Variants in HIP1 observed in about 807,000 individuals in gnomAD.
HIP1 encodes the protein huntingtin interacting protein 1.
HIP1 carries 65 observed loss-of-function variants against 147.6 expected under a neutral mutation model. The observed-to-expected ratio is 0.44, with a 90% CI of 0.36 to 0.54. The LOEUF (loss-of-function observed/expected upper bound fraction) is 0.54. HIP1 is among the 20% of genes least tolerant of loss of function. HIP1 has a pLI of 0.00. For missense variants in HIP1, 1,061 were observed against 1,299.6 expected, an observed-to-expected ratio of 0.82 and a Z score of 2.82; for synonymous variants, 479 against 504.0, an observed-to-expected ratio of 0.95 and a Z score of 0.67.
At chr7:75,673,820 C>CAAAAAG (rs1799801129) in intron 1 of HIP1, among the ~76,000 whole-genome samples, 1 of 104,352 alleles carries the variant, frequency 9.6e-6, no homozygotes, top group Non-Finnish European at 1.9e-5. Flanking sequence ...CCTATCTCTA[C>CAAAAAG]AAAAAAAAAA....
intron 1 of HIP1, among the ~76,000 whole-genome samples, chr7:75,651,693 G>A (rs1554512002): frequency 6.6e-6 from 1 of 151,960 alleles, no homozygotes; most frequent in African/African-American, 2.4e-5. Flanking sequence ...TGTGGCCTTG[G>A]GCAAGTCACT....
At chr7:75,705,354 T>A (rs1026654263) in intron 1 of HIP1, among the ~76,000 whole-genome samples, 18 of 151,966 alleles carry the variant, frequency 1.2e-4, no homozygotes, top group Non-Finnish European at 2.4e-4. Flanking sequence ...AACAGCAGGA[T>A]CTCTACCTTT....
intron 1 of HIP1, chr7:75,639,103 G>A (rs1019447045): frequency 2.0e-6 from 2 of 984,634 alleles, no homozygotes; most frequent in Non-Finnish European, 2.4e-6. Context: ...CACCCCTGGA[G>A]ATCCCGCTTC....
intron 4 of HIP1, among the ~76,000 whole-genome samples, chr7:75,587,696 G>T (rs587724391): frequency 6.6e-6 from 1 of 152,144 alleles, no homozygotes; most frequent in Non-Finnish European, 1.5e-5. Flanking sequence ...AGGTGCAGTG[G>T]CTCATGCCTG....
At chr7:75,571,352 G>T (rs1346240768) in intron 8 of HIP1, among the ~76,000 whole-genome samples, 1 of 152,104 alleles carries the variant, frequency 6.6e-6, no homozygotes, top group African/African-American at 2.4e-5. Flanking sequence ...TAAGCAGCTG[G>T]TCCCTTCTCT....
At position 75,702,705 on chromosome 7, in the gene HIP1, A is replaced by ATG. The variant is rs1554519268; in HGVS notation, c.120+36095_120+36096insCA. On this transcript the variant is annotated intron_variant, in intron 1 of 30. Coordinates refer to ENST00000336926, the MANE Select transcript of HIP1 (RefSeq NM_005338.7). ...TGGTGTTCATATGGATCCCATGGTTACAGAGAAGGAGGAAAGACACTGCAC... is the reference window on the plus strand; with the variant it reads ...TGGTGTTCATATGGATCCCATGGTTATGCAGAGAAGGAGGAAAGACACTGCAC... 3.9e-5 allele frequency among the ~76,000 whole-genome samples: 6 copies of ATG among 152,314 alleles called. No individual in the cohort carries two copies. The East Asian group carries it at 1.2e-3, about 29-fold the overall frequency.
chr7:75,611,888 C>T (rs1300729367), intron 1 of HIP1: 5 of 1,015,370 alleles, frequency 4.9e-6, no homozygotes, highest in Non-Finnish European at 5.9e-6. Context: ...GCCTCTCTTC[C>T]TCCCTCCCCA....
At chr7:75,605,239 C>T (rs1797179826) in intron 1 of HIP1, among the ~76,000 whole-genome samples, 1 of 152,102 alleles carries the variant, frequency 6.6e-6, no homozygotes, top group Non-Finnish European at 1.5e-5. Flanking sequence ...TGGAGGGGTT[C>T]GGGCCTGCAG....
intron 2 of HIP1, among the ~76,000 whole-genome samples, chr7:75,596,392 C>A (rs1340829419): frequency 2.0e-5 from 3 of 151,848 alleles, no homozygotes; most frequent in Non-Finnish European, 4.4e-5. Context: ...TCTTTGAAAT[C>A]TTTTTCTTTT....
In HIP1 at chr7:75,602,303, CTTTTTTTTTTTTT is replaced by C. The variant is rs67019261; in HGVS notation, c.121-3069_121-3057del. On this transcript the variant is annotated intron_variant, in intron 1 of 30. Transcript: ENST00000336926. ...GGCGTGAGCCACAGCACCTGGCCAG[CTTTTTTTTTTTTT>C]TTTTTTTTTTTTTTTTCAAAAGAGA... is the stretch of plus-strand genomic sequence containing the variant. 7.1e-4 allele frequency among the ~76,000 whole-genome samples: 55 copies of C among 77,272 alleles called. 1 individual carries two copies. Among genetic ancestry groups the C allele is most frequent in the African/African-American group, 2.5e-3 (46 of 18,112 alleles). The allele number at this position is 77,272 out of a possible 152,430, so 50.7% of individuals were successfully genotyped here. A position where few individuals can be genotyped will look rare whatever the true frequency, so the allele number is the denominator to read the frequency against.
In HIP1 at chr7:75,557,369, CCTCT is replaced by C. The variant is rs1332562521; in HGVS notation, c.1581+281_1581+284del. On this transcript the variant is annotated intron_variant, in intron 16 of 30. Transcript: ENST00000336926. ...AAACAAACAAAAAAAAACGCTCATCCCTCTCTCTCTGCCACCCATGTGTTTTCCT... is the reference window on the plus strand; with the variant it reads ...AAACAAACAAAAAAAAACGCTCATCCCTCTCTGCCACCCATGTGTTTTCCT... 2.6e-5 allele frequency among the ~76,000 whole-genome samples: 4 copies of C among 152,072 alleles called. No homozygotes were observed. The East Asian group carries it at 7.7e-4, about 29-fold the overall frequency.
intron 1 of HIP1, among the ~76,000 whole-genome samples, chr7:75,664,101 T>C (rs1438741312): frequency 2.8e-5 from 1 of 35,100 alleles, no homozygotes; most frequent in African/African-American, 1.9e-4. Flanking sequence ...CATATGTGCA[T>C]ACATACATGT....
At chr7:75,669,189 C>T (rs2905866) in intron 1 of HIP1, among the ~76,000 whole-genome samples, 85,850 of 150,778 alleles carry the variant, frequency 0.57, 24,875 homozygotes, top group African/African-American at 0.66. Flanking sequence ...CATGGTGAAA[C>T]CCTGTCTATA....
At chr7:75,670,802 G>GTTTTTTT (rs782146207) in intron 1 of HIP1, among the ~76,000 whole-genome samples, 1 of 131,454 alleles carries the variant, frequency 7.6e-6, no homozygotes, top group African/African-American at 2.9e-5. Context: ...TTTTTTTTTT[G>GTTTTTTT]GTAGAGATAG....
chr7:75,560,034 T>A, intron 13 of HIP1, 119 bp from the exon 14 acceptor site: 1 of 1,004,228 alleles, frequency 1.0e-6, no homozygotes, highest in South Asian at 1.7e-5. Flanking sequence ...AAGTCAACTC[T>A]CCACGTCCCA....
intron 1 of HIP1, among the ~76,000 whole-genome samples, chr7:75,615,926 A>G (rs1046838377): frequency 4.6e-5 from 7 of 151,706 alleles, no homozygotes; most frequent in African/African-American, 1.7e-4. Flanking sequence ...TCTCTACTAA[A>G]AATACAAAAA....
At chr7:75,599,898 C>G (rs587644940) in intron 1 of HIP1, among the ~76,000 whole-genome samples, 1 of 147,684 alleles carries the variant, frequency 6.8e-6, no homozygotes. Flanking sequence ...TGCAGTGGCC[C>G]GATCTTGGCT....
intron 8 of HIP1, among the ~76,000 whole-genome samples, chr7:75,569,569 A>G (rs1795532476): frequency 6.6e-6 from 1 of 152,190 alleles, no homozygotes; most frequent in East Asian, 1.9e-4. Context: ...CAATCGCACC[A>G]CTGCACTCCA....
At chr7:75,602,009 T>C (rs923483881) in intron 1 of HIP1, among the ~76,000 whole-genome samples, 3 of 151,862 alleles carry the variant, frequency 2.0e-5, no homozygotes, top group Non-Finnish European at 2.9e-5. Context: ...TTTTTTTTTT[T>C]TTTTCTGTTT....
Sources: gnomAD v4.1 joint callset for allele counts (sites outside exome capture counted in the v4.1 genomes callset) on GRCh38, gnomAD v4.1.1 for gene constraint, MANE v1.5 for transcripts, NCBI Gene and HGNC (gene_info 2026-07-23, HGNC 2026-07-21) for gene names.